Variants in SLC22A14 observed in about 807,000 individuals in gnomAD.
SLC22A14 encodes the protein organic cation transporter-like 4.
A neutral mutation model predicts 53.9 loss-of-function variants in SLC22A14; 50 were observed. The ratio of observed to expected loss-of-function variants is 0.93; its 90% CI spans 0.74 to 1.17. The LOEUF is 1.17. Ranked by LOEUF, SLC22A14 falls within the 50% of genes most tolerant of loss-of-function variation. The pLI is 0.00. For missense variants in SLC22A14, 671 were observed against 734.7 expected, an observed-to-expected ratio of 0.91 and a Z score of 1.00; for synonymous variants, 312 against 303.0, an observed-to-expected ratio of 1.03 and a Z score of -0.31.
chr3:38,304,258 C>T (rs941954291), intron 1 of SLC22A14, among the ~76,000 whole-genome samples: 2 of 151,836 alleles, frequency 1.3e-5, no homozygotes, highest in African/African-American at 4.8e-5. Context: ...CTTGTTATCT[C>T]TATAATTACC....
Position 38,306,503 on chromosome 3 carries a change from G to T in SLC22A14, c.477G>T (p.Trp159Cys), listed in dbSNP as rs1452097789. The change falls in exon 2 of 11, where the codon TGG (tryptophan) becomes TGT (cysteine). Residue 159 changes from tryptophan to cysteine, a missense_variant. Physicochemically the swap from Trp to Cys is radical, Grantham distance 215. Transcript: ENST00000448498. ...LNDTDTCQDG[W>C]IYPDAKKRSL... ...ACACAGACACATGCCAAGATGGGTG[G>T]ATCTATCCTGACGCTAAGAAGCGAT... The T allele has an allele frequency of 1.2e-6, 2 of 1,614,112 alleles. No homozygotes were observed. The highest frequency in any genetic ancestry group is 3.3e-5 in the Admixed American group (2 of 60,018).
intron 1 of SLC22A14, among the ~76,000 whole-genome samples, chr3:38,296,320 C>G (rs1414171993): frequency 6.6e-6 from 1 of 152,160 alleles, no homozygotes; most frequent in Non-Finnish European, 1.5e-5. Context: ...TGGTTCCAGG[C>G]AGACCAACGT....
chr3:38,312,625 G>A (rs891978186), intron 5 of SLC22A14, among the ~76,000 whole-genome samples: 11 of 152,202 alleles, frequency 7.2e-5, no homozygotes, highest in African/African-American at 2.7e-4. Context: ...GGGCATGGGG[G>A]CTCTACAGGA....
chr3:38,296,612 G>T (rs1428007232), intron 1 of SLC22A14, among the ~76,000 whole-genome samples: 1 of 152,170 alleles, frequency 6.6e-6, no homozygotes, highest in Non-Finnish European at 1.5e-5. Flanking sequence ...ATGGTGGCGG[G>T]CTGCTTCCAA....
intron 1 of SLC22A14, among the ~76,000 whole-genome samples, chr3:38,283,713 C>G (rs1703724806): frequency 6.6e-6 from 1 of 152,128 alleles, no homozygotes. Flanking sequence ...ACCTGTAGTA[C>G]CAGCTACTCG....
intron 7 of SLC22A14, 42 bp from the exon 8 acceptor site, chr3:38,313,685 T>TGCGTGCGCGCGC (rs1704542382): frequency 8.9e-6 from 8 of 901,922 alleles, no homozygotes; most frequent in African/African-American, 3.2e-5. Context: ...TCCGTGTGTG[T>TGCGTGCGCGCGC]GCGCGCGTGT....
At chr3:38,308,868 G>A (rs1317411947) in intron 4 of SLC22A14, 86 bp from the exon 5 acceptor site, 1 of 1,241,650 alleles carries the variant, frequency 8.1e-7, no homozygotes, top group African/African-American at 1.5e-5. Flanking sequence ...TCCAGAGCAG[G>A]TGGGGACACC....
upstream of SLC22A14, among the ~76,000 whole-genome samples, chr3:38,279,896 C>T (rs1245733391): frequency 2.6e-5 from 4 of 152,302 alleles, no homozygotes; most frequent in East Asian, 1.9e-4. Flanking sequence ...CAGTTAAAGA[C>T]ACCAATGACT....
chr3:38,315,812 G>A, intron 9 of SLC22A14, 101 bp downstream of exon 9: 1 of 1,245,492 alleles, frequency 8.0e-7, no homozygotes, highest in Non-Finnish European at 1.1e-6. Flanking sequence ...CTGGTGACAA[G>A]CACTGTGCTA....
intron 1 of SLC22A14, among the ~76,000 whole-genome samples, chr3:38,285,009 A>T (rs903305646): frequency 2.6e-5 from 4 of 152,174 alleles, no homozygotes; most frequent in Non-Finnish European, 5.9e-5. Flanking sequence ...CTGCACCATA[A>T]TGTGTACAGA....
chr3:38,295,790 CT>C (rs1704022811), intron 1 of SLC22A14, among the ~76,000 whole-genome samples: 2 of 151,468 alleles, frequency 1.3e-5, no homozygotes, highest in Non-Finnish European at 2.9e-5. Flanking sequence ...CTGTCTGTCT[CT>C]CTCTCTGTCT....
intron 2 of SLC22A14, 149 bp downstream of exon 2, chr3:38,306,691 T>G: frequency 1.3e-6 from 1 of 760,486 alleles, no homozygotes; most frequent in Non-Finnish European, 2.1e-6. Flanking sequence ...GGGCAGAAAA[T>G]TAGATTCCTG....
At chr3:38,293,912 A>G (rs1703967755) in intron 1 of SLC22A14, among the ~76,000 whole-genome samples, 1 of 152,164 alleles carries the variant, frequency 6.6e-6, no homozygotes, top group Non-Finnish European at 1.5e-5. Context: ...TTAATGTCGG[A>G]TTTAGCAGTA....
At chr3:38,313,146 GC>G (rs1410487498) in intron 6 of SLC22A14, 27 bp downstream of exon 6, 3 of 1,608,422 alleles carry the variant, frequency 1.9e-6, no homozygotes, top group Non-Finnish European at 2.5e-6. Context: ...CAGGAGTGGG[GC>G]CGGAGCAGTG....
At chr3:38,311,646 A>G (rs930368619) in intron 5 of SLC22A14, among the ~76,000 whole-genome samples, 3 of 152,198 alleles carry the variant, frequency 2.0e-5, no homozygotes, top group African/African-American at 7.2e-5. Flanking sequence ...CTATTTCATC[A>G]CTTACAAGTT....
rs772509642 is a variant in SLC22A14, at chr3:38,309,031, T to G, written c.853T>G (p.Leu285Val). The G allele has an allele frequency of 1.3e-5, 21 of 1,614,088 alleles. No individual in the cohort carries two copies. The Middle Eastern group carries it at 4.9e-4, about 38-fold the overall frequency. ...CTGCTTTTTCGCTGTTGGGGCCGTGTTGCTGACAGGGATCGCCTACAGTCT... is the reference window on the plus strand; with the variant it reads ...CTGCTTTTTCGCTGTTGGGGCCGTGGTGCTGACAGGGATCGCCTACAGTCT... ...GHCFFAVGAV[L>V]LTGIAYSLPH... Residue 285 changes from leucine to valine, a missense_variant, in exon 5 of 11, where the codon TTG (leucine) becomes GTG (valine). Transcript: ENST00000448498.
chr3:38,299,091 T>C (rs75520841), intron 1 of SLC22A14, among the ~76,000 whole-genome samples: 1,595 of 152,358 alleles, frequency 0.01, 26 homozygotes, highest in African/African-American at 0.036. Context: ...AGTCCTTTTC[T>C]TCCCCATCCT....
chr3:38,280,516 A>G (rs1346626364), upstream of SLC22A14, among the ~76,000 whole-genome samples: 2 of 152,168 alleles, frequency 1.3e-5, no homozygotes, highest in Non-Finnish European at 2.9e-5. Context: ...CTGTAAACTC[A>G]TATCTGCAGG....
chr3:38,297,515 C>T (rs537905376), intron 1 of SLC22A14, among the ~76,000 whole-genome samples: 1 of 152,202 alleles, frequency 6.6e-6, no homozygotes, highest in South Asian at 2.1e-4. Flanking sequence ...AGATTTGTTA[C>T]ACAGGTAAAT....
Sources: allele counts gnomAD v4.1 joint callset (sites outside exome capture counted in the v4.1 genomes callset), GRCh38; gene constraint gnomAD v4.1.1; transcripts MANE v1.5; gene names NCBI Gene and HGNC (gene_info 2026-07-23, HGNC 2026-07-21).